The following DPYS variants were observed in gnomAD, a reference collection of about 807,000 sequenced individuals.
DPYS encodes the protein dihydropyrimidine amidohydrolase.
In DPYS, 39 loss-of-function variants were observed where a neutral mutation model predicts 50.3. That is an observed-to-expected ratio of 0.78 (90% confidence interval 0.60 to 1.01). The LOEUF (loss-of-function observed/expected upper bound fraction) is 1.01. Ranked by LOEUF, DPYS falls within the 50% of genes least tolerant of loss-of-function variation. The probability of loss-of-function intolerance (pLI) is 0.00; values close to 1 mark genes in which losing one functional copy is unlikely to be tolerated. For missense variants in DPYS, 659 were observed against 680.9 expected (o/e 0.97, Z 0.36); for synonymous variants, 245 against 250.7 (o/e 0.98, Z 0.22).
intron 1 of DPYS, among the ~76,000 whole-genome samples, chr8:104,461,532 G>A (rs1200143208): frequency 6.6e-6 from 1 of 152,062 alleles, no homozygotes; most frequent in African/African-American, 2.4e-5. Flanking sequence ...TTACATATAA[G>A]GATGTCTGTC....
intron 3 of DPYS, among the ~76,000 whole-genome samples, chr8:104,445,201 T>C (rs1437219975): frequency 1.3e-5 from 2 of 152,166 alleles, no homozygotes; most frequent in African/African-American, 4.8e-5. Context: ...GGAGAATAGT[T>C]TGGAAGTTCT....
chr8:104,449,026 A>G (rs571383658), intron 2 of DPYS, among the ~76,000 whole-genome samples: 4 of 152,314 alleles, frequency 2.6e-5, no homozygotes, highest in African/African-American at 9.6e-5. Flanking sequence ...TGCCCACTCA[A>G]TAACTATTTA....
At position 104,451,387 on chromosome 8, in the gene DPYS, G is replaced by C; in HGVS notation, c.282C>G (p.Gly94=). The change falls in exon 2 of 10, where the codon GGC becomes GGG. Residue 94 remains glycine (G), a synonymous_variant. Coordinates refer to ENST00000351513, the MANE Select transcript of DPYS (RefSeq NM_001385.3). The part of the protein sequence containing the change: ...HQGTKAALSG[G]TTMIIDFAIP... ...TGGCGAAATCAATAATCATGGTGGTGCCTCCTGAGAGAGCAGCCTGGAATC... is the reference window on the plus strand; with the variant it reads ...TGGCGAAATCAATAATCATGGTGGTCCCTCCTGAGAGAGCAGCCTGGAATC... 6.2e-7 allele frequency: 1 copy of C among 1,614,150 alleles called. No individual in the cohort carries two copies. The highest frequency in any genetic ancestry group is 8.5e-7 in the Non-Finnish European group (1 of 1,180,012).
intron 1 of DPYS, among the ~76,000 whole-genome samples, chr8:104,460,497 A>G (rs557965211): frequency 6.6e-6 from 1 of 152,334 alleles, no homozygotes; most frequent in East Asian, 1.9e-4. Context: ...CTGTGAGTCA[A>G]TTGAACCTCT....
chr8:104,387,937 T>C (rs1456011859), intron 8 of DPYS, among the ~76,000 whole-genome samples: 1 of 152,188 alleles, frequency 6.6e-6, no homozygotes, highest in Non-Finnish European at 1.5e-5. Context: ...TCTGGCTGTT[T>C]TCAAGCTACC....
chr8:104,406,607 C>T (rs953220769), intron 7 of DPYS, among the ~76,000 whole-genome samples: 11 of 152,190 alleles, frequency 7.2e-5, no homozygotes, highest in Non-Finnish European at 1.5e-4. Context: ...GGCTCCAGCT[C>T]ATGGTTGGGG....
chr8:104,417,623 TC>T (rs3838708), intron 7 of DPYS, among the ~76,000 whole-genome samples: 37,200 of 152,102 alleles, frequency 0.24, 4,982 homozygotes, highest in African/African-American at 0.35. Context: ...GACACATACT[TC>T]CGTCATAAGC....
intron 7 of DPYS, among the ~76,000 whole-genome samples, chr8:104,399,619 CAGCACT>C (rs1385315662): frequency 6.6e-6 from 1 of 151,730 alleles, no homozygotes; most frequent in Admixed American, 6.6e-5. Flanking sequence ...CCTGTAATCC[CAGCACT>C]TTGGGAGGCC....
At chr8:104,430,948 T>C (rs1231643651) in intron 4 of DPYS, among the ~76,000 whole-genome samples, 1 of 152,118 alleles carries the variant, frequency 6.6e-6, no homozygotes, top group East Asian at 1.9e-4. Flanking sequence ...TCTTTCTAAA[T>C]ATAGAATATG....
chr8:104,461,101 T>G, intron 1 of DPYS, among the ~76,000 whole-genome samples: 1 of 143,068 alleles, frequency 7.0e-6, no homozygotes, highest in African/African-American at 2.6e-5. Flanking sequence ...CTGGGCAACA[T>G]AGTGAGACCC....
intron 8 of DPYS, among the ~76,000 whole-genome samples, chr8:104,382,541 T>G (rs1168308225): frequency 1.3e-5 from 2 of 150,202 alleles, no homozygotes; most frequent in Admixed American, 6.6e-5. Context: ...GGTCCCTGTT[T>G]TTTTTTTTTT....
intron 1 of DPYS, among the ~76,000 whole-genome samples, chr8:104,455,288 A>G (rs1019237377): frequency 6.6e-6 from 1 of 152,222 alleles, no homozygotes; most frequent in African/African-American, 2.4e-5. Flanking sequence ...AGACGCTCTG[A>G]GGAAGAAGAT....
Position 104,451,408 on chromosome 8 carries a change from G to A in DPYS, c.265-4C>T. On this transcript the variant is annotated splice_polypyrimidine_tract_variant and splice_region_variant and intron_variant, in intron 1 of 9. Transcript: ENST00000351513. ...TGGTGCCTCCTGAGAGAGCAGCCTG[G>A]AATCATAAGAGGTTTTCAACAAATT... 1.2e-6 allele frequency: 2 copies of A among 1,614,052 alleles called. No homozygotes were observed. The highest frequency in any genetic ancestry group is 1.1e-5 in the South Asian group (1 of 91,050).
At chr8:104,386,744 T>C (rs1812156069) in intron 8 of DPYS, among the ~76,000 whole-genome samples, 2 of 151,988 alleles carry the variant, frequency 1.3e-5, no homozygotes, top group South Asian at 4.2e-4. Context: ...TCTTCTGCCT[T>C]AGCCTCCCAA....
intron 7 of DPYS, among the ~76,000 whole-genome samples, chr8:104,422,023 T>C (rs1812566742): frequency 6.6e-6 from 1 of 152,156 alleles, no homozygotes; most frequent in Non-Finnish European, 1.5e-5. Flanking sequence ...TAGGTTCAGG[T>C]CATCTCTCTT....
intron 5 of DPYS, 132 bp from the exon 6 acceptor site, chr8:104,428,253 G>C: frequency 3.4e-6 from 4 of 1,190,410 alleles, no homozygotes; most frequent in Non-Finnish European, 4.9e-6. Flanking sequence ...AGAATGAGCA[G>C]TTTTTTCAAG....
At chr8:104,449,891 T>C (rs1317019464) in intron 2 of DPYS, among the ~76,000 whole-genome samples, 1 of 152,186 alleles carries the variant, frequency 6.6e-6, no homozygotes, top group Admixed American at 6.5e-5. Context: ...GCAGTAAATG[T>C]CTGTTGTTTA....
chr8:104,399,290 C>CAAAAAAAAAAA (rs11323938), intron 7 of DPYS, among the ~76,000 whole-genome samples: 1 of 74,922 alleles, frequency 1.3e-5, no homozygotes, highest in Non-Finnish European at 2.3e-5. Flanking sequence ...GACTCCATCT[C>CAAAAAAAAAAA]AAAAAAAAAA....
intron 4 of DPYS, among the ~76,000 whole-genome samples, chr8:104,436,687 A>T (rs1431068918): frequency 6.6e-6 from 1 of 152,154 alleles, no homozygotes; most frequent in Non-Finnish European, 1.5e-5. Context: ...AAAAATCTTC[A>T]TTAGTACTCT....
Sources: gnomAD v4.1 joint callset for allele counts (sites outside exome capture counted in the v4.1 genomes callset) on GRCh38, gnomAD v4.1.1 for gene constraint, MANE v1.5 for transcripts, NCBI Gene and HGNC (gene_info 2026-07-23, HGNC 2026-07-21) for gene names.